The following SV2C variants were observed in gnomAD, a reference collection of about 807,000 sequenced individuals.
SV2C encodes the protein solute carrier family 22 member B3.
In SV2C, 49 loss-of-function variants were observed where a neutral mutation model predicts 79.7. The observed-to-expected ratio is 0.61, with a 90% CI of 0.49 to 0.78. SV2C has a LOEUF of 0.78. Ranked by LOEUF, SV2C falls within the 30% of genes least tolerant of loss-of-function variation. SV2C has a pLI of 0.00. For synonymous variants in SV2C, 334 were observed against 333.2 expected, an observed-to-expected ratio of 1.00 and a Z score of -0.03; for missense variants, 833 against 912.9, an observed-to-expected ratio of 0.91 and a Z score of 1.13.
chr5:75,885,456 A>G, the SV2C span, among the ~76,000 whole-genome samples: 2 of 152,150 alleles, frequency 1.3e-5, no homozygotes, highest in African/African-American at 2.4e-5. Context: ...GAGATTGCCT[A>G]AGCTGAGGGT....
chr5:75,952,335 T>G, the SV2C span, among the ~76,000 whole-genome samples: 1 of 151,364 alleles, frequency 6.6e-6, no homozygotes, highest in East Asian at 2.0e-4. Flanking sequence ...CTCCCTTCCT[T>G]TCACTGGCTT....
chr5:76,258,931 C>T (rs950110157), intron 4 of SV2C, among the ~76,000 whole-genome samples: 50 of 152,166 alleles, frequency 3.3e-4, no homozygotes, highest in African/African-American at 1.0e-3. Context: ...TTCTTTCACT[C>T]GGCATGTTTT....
chr5:76,185,583 G>C (rs1743889111), intron 2 of SV2C, among the ~76,000 whole-genome samples: 1 of 152,214 alleles, frequency 6.6e-6, no homozygotes, highest in Middle Eastern at 3.2e-3. Context: ...AGCCACCAAG[G>C]CTTGGGGCTT....
the SV2C span, among the ~76,000 whole-genome samples, chr5:75,852,913 A>G: frequency 6.6e-6 from 1 of 152,048 alleles, no homozygotes; most frequent in African/African-American, 2.4e-5. Context: ...GAAAGCTTGG[A>G]TCTACAATAA....
At chr5:76,016,698 G>C in the SV2C span, among the ~76,000 whole-genome samples, 1 of 152,182 alleles carries the variant, frequency 6.6e-6, no homozygotes, top group South Asian at 2.1e-4. Flanking sequence ...GTGGACTGCA[G>C]AAAGTAACAT....
the SV2C span, among the ~76,000 whole-genome samples, chr5:76,008,508 A>G: frequency 6.6e-6 from 1 of 152,140 alleles, no homozygotes; most frequent in Non-Finnish European, 1.5e-5. Context: ...AAAATTGTGG[A>G]GTCATCCTGG....
At chr5:76,159,921 T>C (rs115138712) in intron 2 of SV2C, among the ~76,000 whole-genome samples, 2,142 of 152,192 alleles carry the variant, frequency 0.014, 39 homozygotes, top group Middle Eastern at 0.024. Context: ...TATGTATCTA[T>C]ATACTAGCGT....
the SV2C span, among the ~76,000 whole-genome samples, chr5:75,900,536 T>G: frequency 1.3e-5 from 2 of 152,184 alleles, no homozygotes; most frequent in African/African-American, 4.8e-5. Context: ...CTGACAATTA[T>G]GTGTCTTGGA....
At chr5:75,961,369 TATG>T in the SV2C span, among the ~76,000 whole-genome samples, 1 of 152,034 alleles carries the variant, frequency 6.6e-6, no homozygotes, top group Non-Finnish European at 1.5e-5. Flanking sequence ...AATCACTAAT[TATG>T]TTGTTGTAAT....
the SV2C span, among the ~76,000 whole-genome samples, chr5:75,872,693 CTTTATAA>C: frequency 1.3e-5 from 2 of 151,968 alleles, no homozygotes; most frequent in African/African-American, 4.8e-5. Context: ...TAGGGTCCTA[CTTTATAA>C]TTTATCATGA....
chr5:75,955,150 C>T, the SV2C span, among the ~76,000 whole-genome samples: 1 of 151,412 alleles, frequency 6.6e-6, no homozygotes, highest in Non-Finnish European at 1.5e-5. Context: ...AACTATACTA[C>T]AAGGCTACAG....
At chr5:75,987,011 A>AT in the SV2C span, among the ~76,000 whole-genome samples, 5 of 152,044 alleles carry the variant, frequency 3.3e-5, no homozygotes, top group East Asian at 9.7e-4. Context: ...AGCATTTCTC[A>AT]TTTGGGACAC....
At chr5:75,917,068 C>T in the SV2C span, among the ~76,000 whole-genome samples, 1 of 152,208 alleles carries the variant, frequency 6.6e-6, no homozygotes, top group Non-Finnish European at 1.5e-5. Flanking sequence ...AGCCTTTATT[C>T]ACTGCCTTTC....
chr5:76,347,809 A>C (rs936670497), intron 12 of SV2C, among the ~76,000 whole-genome samples: 1 of 152,214 alleles, frequency 6.6e-6, no homozygotes, highest in African/African-American at 2.4e-5. Flanking sequence ...AATTGAGCAG[A>C]GGGTACAGAG....
chr5:75,973,462 T>C, the SV2C span, among the ~76,000 whole-genome samples: 2 of 150,476 alleles, frequency 1.3e-5, no homozygotes, highest in African/African-American at 4.9e-5. Flanking sequence ...GCCACTGCAC[T>C]CCAGCCTGGG....
the SV2C span, among the ~76,000 whole-genome samples, chr5:75,917,619 A>C: frequency 6.6e-6 from 1 of 152,152 alleles, no homozygotes; most frequent in Non-Finnish European, 1.5e-5. Context: ...AAATCAAAAC[A>C]ATTGAACTCA....
intron 1 of SV2C, among the ~76,000 whole-genome samples, chr5:76,091,197 T>C (rs1747365153): frequency 6.6e-6 from 1 of 152,228 alleles, no homozygotes; most frequent in South Asian, 2.1e-4. Context: ...GTGTAAAGTC[T>C]ATTACTTTTT....
chr5:76,196,841 A>G (rs546552725), intron 3 of SV2C, among the ~76,000 whole-genome samples: 4 of 152,350 alleles, frequency 2.6e-5, no homozygotes, highest in African/African-American at 9.6e-5. Flanking sequence ...GGATTGAGAC[A>G]TGGTCGTCCC....
intron 1 of SV2C, among the ~76,000 whole-genome samples, chr5:76,084,413 G>A (rs1343198486): frequency 6.6e-6 from 1 of 152,248 alleles, no homozygotes; most frequent in South Asian, 2.1e-4. Flanking sequence ...TCTAGAACTG[G>A]GAAGACTTTT....
Sources: allele counts gnomAD v4.1 joint callset (sites outside exome capture counted in the v4.1 genomes callset), GRCh38; gene constraint gnomAD v4.1.1; transcripts MANE v1.5; gene names NCBI Gene and HGNC (gene_info 2026-07-23, HGNC 2026-07-21).